Variants in NDE1 observed in about 807,000 individuals in gnomAD.
NDE1 encodes nuclear distribution protein nudE homolog 1.
Under a neutral mutation model 43.4 loss-of-function variants are expected in NDE1, and 28 were observed. The ratio of observed to expected loss-of-function variants is 0.65; its 90% confidence interval spans 0.48 to 0.89. The LOEUF (loss-of-function observed/expected upper bound fraction) is 0.89, where lower values mean the gene tolerates loss of function less well. Among genes scored for constraint, NDE1 ranks in the 40% least tolerant of loss-of-function variants. The probability of loss-of-function intolerance (pLI) is 0.00; values close to 1 mark genes in which losing one functional copy is unlikely to be tolerated. For missense variants in NDE1, 441 were observed against 434.1 expected, an observed-to-expected ratio of 1.02 and a Z score of -0.14; for synonymous variants, 184 against 172.0, an observed-to-expected ratio of 1.07 and a Z score of -0.55.
At chr16:15,644,673 A>C (rs2036273554) in intron 1 of NDE1, among the ~76,000 whole-genome samples, 1 of 152,234 alleles carries the variant, frequency 6.6e-6, no homozygotes, top group Non-Finnish European at 1.5e-5. Context: ...AGTATTTTCC[A>C]AGTGGAGATT....
chr16:15,709,414 A>C (rs111779140), intron 8 of NDE1, among the ~76,000 whole-genome samples: 1,546 of 151,864 alleles, frequency 0.01, 32 homozygotes, highest in African/African-American at 0.034. Context: ...TCCCGGGTTC[A>C]AGCGATTCTC....
chr16:15,724,892 G>C lies in NDE1; in HGVS notation c.*641G>C, dbSNP rs2040673806. 6.2e-7 allele frequency: 1 copy of C among 1,614,068 alleles called. No homozygotes were observed. Among genetic ancestry groups the C allele is most frequent in the Non-Finnish European group, 8.5e-7 (1 of 1,180,028 alleles). On this transcript the variant is annotated 3_prime_UTR_variant, in exon 9 of 9. Coordinates refer to ENST00000396354, the MANE Select transcript of NDE1 (RefSeq NM_017668.3). ...ATGATGTGGCAGGACACTCACCTGG[G>C]TGTCCTGGAGCTGGGAACTGAGGGA... is the stretch of plus-strand genomic sequence containing the variant.
chr16:15,677,688 GTCCTCCCAGTTTA>G, intron 3 of NDE1, 100 bp from the exon 4 acceptor site: 1 of 1,163,342 alleles, frequency 8.6e-7, no homozygotes, highest in Non-Finnish European at 1.3e-6. Flanking sequence ...GGCTCAGGCA[GTCCTCCCAGTTTA>G]GCCTCCCGAG....
intron 8 of NDE1, chr16:15,714,478 T>C (rs549398605): frequency 1.1e-4 from 27 of 252,130 alleles, no homozygotes; most frequent in Non-Finnish European, 1.6e-4. Context: ...CCGAGAATAA[T>C]GCAGCCCAGA....
chr16:15,661,798 C>CT (rs1320063188), intron 1 of NDE1, among the ~76,000 whole-genome samples: 2 of 152,204 alleles, frequency 1.3e-5, no homozygotes, highest in Admixed American at 1.3e-4. Context: ...ACCCAATTGC[C>CT]TAAGGTAGAG....
chr16:15,720,087 T>G (rs1019131992), intron 8 of NDE1: 2 of 1,609,366 alleles, frequency 1.2e-6, no homozygotes, highest in African/African-American at 2.7e-5. Context: ...TCTGCTGACT[T>G]CGGTGGCCTG....
At chr16:15,666,566 A>G (rs1353607458) in intron 2 of NDE1, among the ~76,000 whole-genome samples, 1 of 152,098 alleles carries the variant, frequency 6.6e-6, no homozygotes. Context: ...GCATGATCAC[A>G]CCTCTGCATT....
intron 8 of NDE1, chr16:15,699,722 T>A (rs771123283): frequency 1.5e-5 from 20 of 1,349,970 alleles, no homozygotes; most frequent in Non-Finnish European, 2.0e-5. Flanking sequence ...GTTTGCTCTG[T>A]CTGAAGGTTG....
chr16:15,706,658 C>T (rs963844842), intron 8 of NDE1, among the ~76,000 whole-genome samples: 4 of 151,294 alleles, frequency 2.6e-5, no homozygotes, highest in Non-Finnish European at 5.9e-5. Flanking sequence ...AGTGAGCCAA[C>T]GTTGTGCCAC....
chr16:15,680,391 G>A (rs533109524), intron 4 of NDE1, among the ~76,000 whole-genome samples: 18 of 152,218 alleles, frequency 1.2e-4, no homozygotes, highest in African/African-American at 3.4e-4. Context: ...TTTTCTAAGC[G>A]TTGTTTTCCA....
At chr16:15,691,462 A>G in intron 6 of NDE1, 139 bp downstream of exon 6, 1 of 989,054 alleles carries the variant, frequency 1.0e-6, no homozygotes, top group South Asian at 1.5e-5. Context: ...CAGAGAGTAG[A>G]CTGGGATGTT....
At chr16:15,655,007 G>A (rs552702886) in intron 1 of NDE1, among the ~76,000 whole-genome samples, 26 of 151,870 alleles carry the variant, frequency 1.7e-4, no homozygotes, top group African/African-American at 4.1e-4. Flanking sequence ...ACTTTCTGAC[G>A]TTTTCATGTT....
At chr16:15,648,422 A>T (rs1321990794), upstream of NDE1, among the ~76,000 whole-genome samples, 2 of 152,216 alleles carry the variant, frequency 1.3e-5, no homozygotes, top group Non-Finnish European at 2.9e-5. Flanking sequence ...ATTCCAGCCA[A>T]GCATGGTGGC....
intron 4 of NDE1, among the ~76,000 whole-genome samples, chr16:15,685,897 G>A (rs948469174): frequency 6.6e-6 from 1 of 151,772 alleles, no homozygotes; most frequent in African/African-American, 2.4e-5. Context: ...AAAAATTGCT[G>A]AAAATTTATA....
At chr16:15,684,204 C>T (rs1037645516) in intron 4 of NDE1, 2 of 151,658 alleles carry the variant, frequency 1.3e-5, no homozygotes, top group East Asian at 3.9e-4. Flanking sequence ...GCGCTCCAGC[C>T]TGGGCAACAG....
intron 8 of NDE1, chr16:15,711,334 C>T (rs2039781109): frequency 6.6e-6 from 1 of 152,140 alleles, no homozygotes. Flanking sequence ...ATTATGATGT[C>T]AGAGAGAGTC....
rs748166534 is a variant in NDE1 at position 15,691,235 on chromosome 16, T to TGTGCAGGCCACGGGCTCC, written c.620_637dup (p.Gln207_Val212dup). ...TGGAAGCTGAGAGGACAGACACAGC[T>TGTGCAGGCCACGGGCTCC]GTGCAGGCCACGGGCTCCGTGCCGT... On this transcript the variant is annotated inframe_insertion, in exon 6 of 9. Transcript: ENST00000396354. The TGTGCAGGCCACGGGCTCC allele has an allele frequency of 2.0e-5, 33 of 1,614,082 alleles. No individual in the cohort carries two copies. The highest frequency in any genetic ancestry group is 2.2e-5 in the East Asian group (1 of 44,898).
At chr16:15,690,315 G>A (rs985686844) in intron 5 of NDE1, among the ~76,000 whole-genome samples, 4 of 143,672 alleles carry the variant, frequency 2.8e-5, no homozygotes, top group Non-Finnish European at 4.5e-5. Flanking sequence ...TGGGATTATA[G>A]GCTTGAGCCA....
Position 15,678,595 on chromosome 16 carries a change from G to A in NDE1, c.386+646G>A, listed in dbSNP as rs146393085. Among the ~76,000 whole-genome samples, 822 of 152,092 alleles carry A rather than the reference G, an allele frequency of 5.4e-3. 9 individuals carry two copies. The highest frequency in any genetic ancestry group is 0.019 in the African/African-American group (776 of 41,516). On this transcript the variant is annotated intron_variant, in intron 4 of 8. Coordinates refer to ENST00000396354, the MANE Select transcript of NDE1 (RefSeq NM_017668.3). ...GGCCAGGCTGGTCTCAAACTCCTTA[G>A]CCTCCAAAGTGCTGTGATTACAGGT...
Sources: allele counts gnomAD v4.1 joint callset (sites outside exome capture counted in the v4.1 genomes callset), GRCh38; gene constraint gnomAD v4.1.1; transcripts MANE v1.5; gene names NCBI Gene and HGNC (gene_info 2026-07-23, HGNC 2026-07-21).